Variants in SCN11A observed in about 807,000 individuals in gnomAD.
The protein encoded by SCN11A is sodium channel protein type 11 subunit alpha.
In SCN11A, 122 loss-of-function variants were observed where a neutral mutation model predicts 162.2. The ratio of observed to expected loss-of-function variants is 0.75; its 90% CI spans 0.65 to 0.87. SCN11A has a LOEUF of 0.87. SCN11A is among the 40% of genes least tolerant of loss of function. The probability of loss-of-function intolerance (pLI) is 0.00; values close to 1 mark genes in which losing one functional copy is unlikely to be tolerated. For missense variants in SCN11A, 2,015 were observed against 2,181.6 expected, an observed-to-expected ratio of 0.92 and a Z score of 1.52; for synonymous variants, 758 against 751.5, an observed-to-expected ratio of 1.01 and a Z score of -0.14.
intron 2 of SCN11A, among the ~76,000 whole-genome samples, chr3:39,016,139 C>T (rs1361270579): frequency 6.6e-6 from 1 of 152,186 alleles, no homozygotes; most frequent in Non-Finnish European, 1.5e-5. Context: ...TGAAGTCTAG[C>T]TTCACCTGAT....
At chr3:38,883,200 G>A (rs761434485) in intron 22 of SCN11A, 33 bp downstream of exon 22, 13 of 1,588,876 alleles carry the variant, frequency 8.2e-6, no homozygotes, top group Middle Eastern at 3.3e-4. Context: ...CTGCCCTGAT[G>A]CCCAATGTCT....
At chr3:39,013,814 C>T (rs2031212061) in intron 2 of SCN11A, among the ~76,000 whole-genome samples, 1 of 152,220 alleles carries the variant, frequency 6.6e-6, no homozygotes, top group African/African-American at 2.4e-5. Context: ...TATGCAGCAA[C>T]AGCAGGTCTG....
intron 2 of SCN11A, among the ~76,000 whole-genome samples, chr3:38,981,665 T>C (rs779984799): frequency 2.0e-5 from 3 of 151,866 alleles, no homozygotes; most frequent in Non-Finnish European, 4.4e-5. Context: ...AGGCCAAGCA[T>C]GAATCTAGCA....
intron 4 of SCN11A, among the ~76,000 whole-genome samples, chr3:38,952,139 T>C (rs556739396): frequency 6.6e-6 from 1 of 152,204 alleles, no homozygotes; most frequent in South Asian, 2.1e-4. Flanking sequence ...CCAGACGCAC[T>C]GCCTTAAGAG....
chr3:38,976,986 A>G (rs1352525454), intron 2 of SCN11A, among the ~76,000 whole-genome samples: 2 of 152,214 alleles, frequency 1.3e-5, no homozygotes, highest in Non-Finnish European at 2.9e-5. Context: ...AATATCAAAT[A>G]CTGCACAGAG....
At chr3:39,051,452 T>C (rs1239426608) in intron 1 of SCN11A, among the ~76,000 whole-genome samples, 1 of 152,216 alleles carries the variant, frequency 6.6e-6, no homozygotes. Context: ...ACAAAGGACA[T>C]GATCTCGTTC....
intron 2 of SCN11A, among the ~76,000 whole-genome samples, chr3:38,991,470 T>C (rs1188236190): frequency 6.6e-6 from 1 of 152,180 alleles, no homozygotes; most frequent in Non-Finnish European, 1.5e-5. Context: ...CTCACAACTG[T>C]GTGTTTGCGG....
At chr3:38,963,858 C>A (rs113392245) in intron 2 of SCN11A, among the ~76,000 whole-genome samples, 4,333 of 152,028 alleles carry the variant, frequency 0.029, 79 homozygotes, top group Middle Eastern at 0.062. Context: ...CCACCTGTAC[C>A]CCAATAACTT....
intron 7 of SCN11A, among the ~76,000 whole-genome samples, chr3:38,939,903 C>G (rs918029306): frequency 1.6e-5 from 2 of 123,040 alleles, no homozygotes; most frequent in Non-Finnish European, 3.5e-5. Flanking sequence ...AACCCCATCT[C>G]AAAAAAAAAA....
chr3:38,940,294 T>C (rs1575318858), intron 7 of SCN11A, among the ~76,000 whole-genome samples: 2 of 152,136 alleles, frequency 1.3e-5, no homozygotes, highest in Non-Finnish European at 2.9e-5. Context: ...CATAAAGATG[T>C]CAGTTTCCTC....
chr3:38,981,839 A>G (rs564063591), intron 2 of SCN11A, among the ~76,000 whole-genome samples: 2 of 152,012 alleles, frequency 1.3e-5, no homozygotes, highest in African/African-American at 4.8e-5. Flanking sequence ...ATCCTGTTCT[A>G]TTAAAAATAC....
At chr3:38,890,778 G>T (rs1054422092) in intron 19 of SCN11A, among the ~76,000 whole-genome samples, 1 of 152,318 alleles carries the variant, frequency 6.6e-6, no homozygotes, top group African/African-American at 2.4e-5. Context: ...TACACTGACC[G>T]TGTGCACATC....
chr3:38,943,364 G>C (rs1354310140), intron 7 of SCN11A, among the ~76,000 whole-genome samples: 1 of 152,128 alleles, frequency 6.6e-6, no homozygotes, highest in Non-Finnish European at 1.5e-5. Flanking sequence ...GACGTTTTGG[G>C]GGGTAATTGA....
chr3:38,900,736 T>C (rs1436685002), intron 16 of SCN11A, among the ~76,000 whole-genome samples: 2 of 151,790 alleles, frequency 1.3e-5, no homozygotes, highest in Non-Finnish European at 2.9e-5. Context: ...TAAAACTCAT[T>C]CAGAATGCAG....
intron 7 of SCN11A, among the ~76,000 whole-genome samples, chr3:38,931,434 G>C (rs998721378): frequency 6.6e-5 from 10 of 152,206 alleles, no homozygotes; most frequent in Admixed American, 2.6e-4. Flanking sequence ...GCCAAGTAAA[G>C]GAGAATAGAT....
At chr3:39,014,619 T>G (rs1213263920) in intron 2 of SCN11A, among the ~76,000 whole-genome samples, 2 of 152,210 alleles carry the variant, frequency 1.3e-5, no homozygotes, top group Non-Finnish European at 2.9e-5. Context: ...GTGGGACACA[T>G]AGTAAGACCA....
chr3:38,947,614 T>A (rs964034904), intron 5 of SCN11A, among the ~76,000 whole-genome samples: 3 of 152,210 alleles, frequency 2.0e-5, no homozygotes, highest in African/African-American at 7.2e-5. Context: ...TGGTACATTA[T>A]GCCCGCCCCC....
Position 38,894,541 on chromosome 3 carries a change from C to A in SCN11A, c.2827G>T (p.Glu943Ter), listed in dbSNP as rs1187060553. 2 of 1,601,310 alleles carry A rather than the reference C, an allele frequency of 1.2e-6. No individual in the cohort carries two copies. The highest frequency in any genetic ancestry group is 1.3e-5 in the African/African-American group (1 of 74,660). Reference sequence around the variant, plus strand: ...TGTGTGAACCTTCATACCTGTTGTTCAGGCTCAGGTTGTGTGATGCGCTGT... The same window carrying A: ...TGTGTGAACCTTCATACCTGTTGTTAAGGCTCAGGTTGTGTGATGCGCTGT... ...NAQRITQPEP[E>*]QQAYELHQEN... The change falls in exon 19 of 30, where the codon GAA becomes TAA. Residue 943 changes from glutamate (E) to a stop codon, truncating the protein, a stop_gained. Coordinates refer to ENST00000302328, the MANE Select transcript of SCN11A (RefSeq NM_001349253.2). LOFTEE classifies it high-confidence loss of function.
intron 22 of SCN11A, among the ~76,000 whole-genome samples, chr3:38,880,408 A>G: frequency 6.6e-6 from 1 of 152,160 alleles, no homozygotes; most frequent in Non-Finnish European, 1.5e-5. Context: ...ATGGATCAGC[A>G]CATTATTTCC....
Sources: allele counts gnomAD v4.1 joint callset (sites outside exome capture counted in the v4.1 genomes callset), GRCh38; gene constraint gnomAD v4.1.1; transcripts MANE v1.5; gene names NCBI Gene and HGNC (gene_info 2026-07-23, HGNC 2026-07-21).